The following ABCG5 variants were observed in gnomAD, a reference collection of about 807,000 sequenced individuals.
The protein encoded by ABCG5 is ATP-binding cassette sub-family G member 5.
ABCG5 carries 64 observed loss-of-function variants against 64.5 expected under a neutral mutation model. The ratio of observed to expected loss-of-function variants is 0.99; its 90% CI spans 0.81 to 1.22. The LOEUF is 1.22. Among genes scored for constraint, ABCG5 ranks in the 50% most tolerant of loss-of-function variants. The probability of loss-of-function intolerance (pLI) is 0.00; values close to 1 mark genes in which losing one functional copy is unlikely to be tolerated. For synonymous variants in ABCG5, 385 were observed against 326.3 expected (o/e 1.18, Z -1.94); for missense variants, 908 against 829.5 (o/e 1.09, Z -1.16).
downstream of ABCG5, among the ~76,000 whole-genome samples, chr2:43,809,544 C>T (rs189272985): frequency 2.0e-5 from 3 of 152,204 alleles, no homozygotes; most frequent in South Asian, 2.1e-4. Flanking sequence ...AAAATAAGTC[C>T]TAAGCATAAT....
chr2:43,822,570 G>A (rs1667298022), intron 10 of ABCG5: 2 of 984,682 alleles, frequency 2.0e-6, no homozygotes, highest in South Asian at 9.4e-5. Flanking sequence ...TCATTCCCAG[G>A]CACATGTCAT....
At chr2:43,817,528 C>A (rs997377343) in intron 11 of ABCG5, among the ~76,000 whole-genome samples, 1 of 151,816 alleles carries the variant, frequency 6.6e-6, no homozygotes, top group Non-Finnish European at 1.5e-5. Flanking sequence ...CAACTAACCT[C>A]CTTTTCCTAA....
intron 9 of ABCG5, among the ~76,000 whole-genome samples, chr2:43,823,227 A>T (rs1439986351): frequency 2.6e-5 from 4 of 152,170 alleles, no homozygotes; most frequent in Admixed American, 2.6e-4. Flanking sequence ...AAGGGGCATG[A>T]ATAAGTGATT....
intron 2 of ABCG5, among the ~76,000 whole-genome samples, chr2:43,833,614 G>A (rs1337383239): frequency 6.6e-6 from 1 of 151,906 alleles, no homozygotes; most frequent in African/African-American, 2.4e-5. Context: ...ACAATCTCCT[G>A]ACCTCGTGAT....
intron 12 of ABCG5, 111 bp downstream of exon 12, chr2:43,814,366 T>G (rs1283193947): frequency 1.3e-6 from 1 of 744,438 alleles, no homozygotes. Context: ...AAACAGAGTT[T>G]TAAATTGAAT....
chr2:43,827,946 C>T (rs573520977), intron 5 of ABCG5, 37 bp downstream of exon 5: 6 of 1,612,560 alleles, frequency 3.7e-6, no homozygotes, highest in East Asian at 2.2e-5. Context: ...AGAAGATGCC[C>T]AGACAGCAGC....
At chr2:43,826,571 C>T (rs1172227689) in intron 5 of ABCG5, 50 bp from the exon 6 acceptor site, 2 of 1,613,534 alleles carry the variant, frequency 1.2e-6, no homozygotes, top group Middle Eastern at 1.7e-4. Flanking sequence ...AGCCCAGGCT[C>T]TGTGCTTAAA....
chr2:43,814,177 G>A (rs2104749438), intron 12 of ABCG5, among the ~76,000 whole-genome samples: 1 of 152,262 alleles, frequency 6.6e-6, no homozygotes, highest in South Asian at 2.1e-4. Flanking sequence ...GTGTTCAGTA[G>A]ATACAGGAAC....
At chr2:43,811,777 G>T (rs866596510), downstream of ABCG5, among the ~76,000 whole-genome samples, 1 of 151,962 alleles carries the variant, frequency 6.6e-6, no homozygotes, top group Non-Finnish European at 1.5e-5. Flanking sequence ...GTATTTTTTA[G>T]TAGAGACGGG....
chr2:43,829,442 C>T (rs1417934022), intron 4 of ABCG5, among the ~76,000 whole-genome samples: 1 of 152,206 alleles, frequency 6.6e-6, no homozygotes, highest in Non-Finnish European at 1.5e-5. Flanking sequence ...TCTTCCAATT[C>T]TCTTCGCTGT....
chr2:43,817,662 C>T (rs940053303), intron 11 of ABCG5, among the ~76,000 whole-genome samples: 2 of 152,120 alleles, frequency 1.3e-5, no homozygotes, highest in Non-Finnish European at 2.9e-5. Context: ...ATAATCCCAG[C>T]ACTTTGGGAG....
chr2:43,819,505 C>A (rs1667051160), intron 11 of ABCG5, among the ~76,000 whole-genome samples: 1 of 148,770 alleles, frequency 6.7e-6, no homozygotes, highest in South Asian at 2.1e-4. Context: ...TCTGACTAGT[C>A]TTAATTCCTA....
At position 43,824,941 on chromosome 2, in the gene ABCG5, G is replaced by A; in HGVS notation, c.852C>T (p.Phe284=). 1 of 1,614,064 alleles carries A rather than the reference G, an allele frequency of 6.2e-7. No homozygotes were observed. The highest frequency in any genetic ancestry group is 8.5e-7 in the Non-Finnish European group (1 of 1,179,962). ...CAGGACAAGGGTAACCGCAGTCATTGAAGAAATCAAGCATTTCCGCTGGCG... is the reference window on the plus strand; with the variant it reads ...CAGGACAAGGGTAACCGCAGTCATTAAAGAAATCAAGCATTTCCGCTGGCG... The part of the protein sequence containing the change: ...CGTPAEMLDF[F]NDCGYPCPEH... Residue 284 remains phenylalanine (F), a synonymous_variant, in exon 7 of 13, where the codon TTC becomes TTT. Coordinates refer to ENST00000405322, the MANE Select transcript of ABCG5 (RefSeq NM_022436.3).
intron 6 of ABCG5, among the ~76,000 whole-genome samples, 171 bp from the exon 7 acceptor site, chr2:43,825,189 G>A (rs1261735257): frequency 6.6e-6 from 1 of 152,136 alleles, no homozygotes; most frequent in East Asian, 1.9e-4. Flanking sequence ...CCTTGGCCCT[G>A]CATCAGTATT....
upstream of ABCG5, chr2:43,838,864 T>G: frequency 7.9e-7 from 1 of 1,259,194 alleles, no homozygotes; most frequent in Non-Finnish European, 1.1e-6. This position sits in a 1 kb window ranked among gnomAD's most constrained non-coding sequence, Gnocchi z 4.2. Context: ...CAGCGCGTCC[T>G]TATCTTGACA....
chr2:43,821,355 G>A (rs867214903), intron 10 of ABCG5, among the ~76,000 whole-genome samples: 2 of 152,166 alleles, frequency 1.3e-5, no homozygotes, highest in Non-Finnish European at 2.9e-5. Context: ...ATCCACATCA[G>A]TGGTTCCTAA....
intron 2 of ABCG5, among the ~76,000 whole-genome samples, chr2:43,834,518 T>C (rs899083198): frequency 1.3e-5 from 2 of 152,216 alleles, no homozygotes; most frequent in Non-Finnish European, 2.9e-5. Flanking sequence ...TTTTTTTTTA[T>C]AATAATGAAT....
At chr2:43,822,968 G>A (rs373582043) in intron 9 of ABCG5, 33 bp from the exon 10 acceptor site, 12 of 1,612,204 alleles carry the variant, frequency 7.4e-6, no homozygotes, top group Non-Finnish European at 8.5e-6. Context: ...AGAACAGTCA[G>A]TCACCACCCA....
intron 4 of ABCG5, among the ~76,000 whole-genome samples, chr2:43,831,013 A>C (rs1037752425): frequency 2.6e-5 from 4 of 152,356 alleles, no homozygotes; most frequent in African/African-American, 9.6e-5. Context: ...GTAGAACAGC[A>C]TGGTCCCAGA....
Sources: gnomAD v4.1 joint callset for allele counts (sites outside exome capture counted in the v4.1 genomes callset) on GRCh38, gnomAD v4.1.1 for gene constraint, Gnocchi (gnomAD v3.1) non-coding constraint, MANE v1.5 for transcripts, NCBI Gene and HGNC (gene_info 2026-07-23, HGNC 2026-07-21) for gene names.